Variants in DPH6 observed in about 807,000 individuals in gnomAD.
DPH6 encodes diphthine--ammonia ligase.
DPH6 carries 33 observed loss-of-function variants against 38.2 expected under a neutral mutation model. That is an observed-to-expected ratio of 0.86 (90% confidence interval 0.65 to 1.15). The LOEUF (loss-of-function observed/expected upper bound fraction) is 1.15. DPH6 is among the 50% of genes most tolerant of loss of function. DPH6 has a pLI of 0.00. For missense variants in DPH6, 325 were observed against 320.0 expected (o/e 1.02, Z -0.12); for synonymous variants, 108 against 103.0 (o/e 1.05, Z -0.30).
chr15:35,155,847 C>T, the DPH6 span, among the ~76,000 whole-genome samples: 2 of 152,146 alleles, frequency 1.3e-5, no homozygotes, highest in Non-Finnish European at 2.9e-5. Flanking sequence ...CATTGTATTT[C>T]TTATAAAGTA....
intron 3 of DPH6, among the ~76,000 whole-genome samples, chr15:35,511,366 C>T (rs933567292): frequency 1.3e-5 from 2 of 152,042 alleles, no homozygotes; most frequent in Admixed American, 1.3e-4. Context: ...TCTCTGTCTG[C>T]AATCTTTGTT....
chr15:35,172,279 ATT>A, the DPH6 span, among the ~76,000 whole-genome samples: 1 of 152,234 alleles, frequency 6.6e-6, no homozygotes, highest in African/African-American at 2.4e-5. Flanking sequence ...ATCTCTGGTT[ATT>A]TGACACCACT....
rs1467462080 is a variant in DPH6 at position 35,371,859 on chromosome 15, C to T, written c.*291G>A. The T allele has an allele frequency of 9.4e-7, 1 of 1,060,954 alleles. No individual in the cohort carries two copies. The highest frequency in any genetic ancestry group is 1.1e-6 in the Non-Finnish European group (1 of 877,964). The allele number at this position is 1,060,954 out of a possible 1,614,324, so 65.7% of individuals were successfully genotyped here. On this transcript the variant is annotated 3_prime_UTR_variant, in exon 9 of 9. Transcript: ENST00000256538. ...AACTAGTGTGATAAAAAAAGAAATG[C>T]TACAGAAATGGGGTTTATAGATGAA...
intron 5 of DPH6, among the ~76,000 whole-genome samples, chr15:35,440,235 C>T (rs969411892): frequency 1.7e-4 from 26 of 152,166 alleles, no homozygotes; most frequent in Admixed American, 7.9e-4. Context: ...TGGAGGTTTC[C>T]TTTTTGGGAA....
At position 35,320,911 on chromosome 15, in the gene DPH6, G is replaced by C. The variant is rs78129641; in HGVS notation, n.200+52610C>G. Among the ~76,000 whole-genome samples, 289 of 152,280 alleles carry C rather than the reference G, an allele frequency of 1.9e-3. 9 individuals carry two copies. The East Asian group carries it at 0.04, about 21-fold the overall frequency. ...TTTTCTGAACCCTGACCTTCTCTCT[G>C]AAGGGTCTCCCTAAATTCCATGGGT... On this transcript the variant is annotated intron_variant and non_coding_transcript_variant, in intron 3 of 3. Transcript: ENST00000560386.
intron 3 of DPH6, among the ~76,000 whole-genome samples, chr15:35,277,333 T>C (rs1338217701): frequency 6.6e-6 from 1 of 152,088 alleles, no homozygotes; most frequent in Non-Finnish European, 1.5e-5. Context: ...GAGGAGTCTT[T>C]AGGGTTTTCT....
chr15:35,434,189 G>C (rs1378765687), intron 5 of DPH6, among the ~76,000 whole-genome samples: 1 of 151,984 alleles, frequency 6.6e-6, no homozygotes, highest in Non-Finnish European at 1.5e-5. Flanking sequence ...GGGAGGTAAG[G>C]ATACCTAATA....
rs550982426 is a variant in DPH6 at position 35,440,190 on chromosome 15, G to A, written c.505+10495C>T. On this transcript the variant is annotated intron_variant, in intron 5 of 8. Coordinates refer to ENST00000256538, the MANE Select transcript of DPH6 (RefSeq NM_080650.4). The stretch of plus-strand genomic sequence containing the variant: ...TCTGAGCAATTATCCTGAAAATCCT[G>A]CCAGGTGATGGGAGTAAATAAGGTG... Among the ~76,000 whole-genome samples, 11 of 152,248 alleles carry A rather than the reference G, an allele frequency of 7.2e-5. 1 individual carries two copies. The highest frequency in any genetic ancestry group is 5.8e-4 in the East Asian group (3 of 5,176).
intron 3 of DPH6, among the ~76,000 whole-genome samples, chr15:35,527,588 A>G (rs569192144): frequency 6.6e-6 from 1 of 152,272 alleles, no homozygotes; most frequent in African/African-American, 2.4e-5. Context: ...AGGAAGGAAG[A>G]TATTATATTC....
chr15:35,393,813 A>G (rs1286033671), intron 6 of DPH6, among the ~76,000 whole-genome samples: 2 of 152,192 alleles, frequency 1.3e-5, no homozygotes, highest in African/African-American at 2.4e-5. Flanking sequence ...ATTAACAATT[A>G]ATTGAATGGA....
chr15:35,249,755 A>G (rs1045363860), intron 3 of DPH6, among the ~76,000 whole-genome samples: 5 of 152,278 alleles, frequency 3.3e-5, no homozygotes, highest in African/African-American at 1.2e-4. Flanking sequence ...TTATTACTTA[A>G]GTTTGTGTGA....
chr15:35,489,004 A>G (rs7163653), intron 3 of DPH6, among the ~76,000 whole-genome samples: 2,781 of 152,268 alleles, frequency 0.018, 87 homozygotes, highest in African/African-American at 0.062. Flanking sequence ...TGCTGAACAG[A>G]TAACTCCTTA....
At chr15:35,379,565 C>T (rs1239645626) in intron 7 of DPH6, among the ~76,000 whole-genome samples, 1 of 152,106 alleles carries the variant, frequency 6.6e-6, no homozygotes, top group Non-Finnish European at 1.5e-5. Flanking sequence ...CATTTACATA[C>T]AGTTTTAGAA....
At chr15:35,316,238 C>T (rs1001097802) in intron 3 of DPH6, among the ~76,000 whole-genome samples, 3 of 151,958 alleles carry the variant, frequency 2.0e-5, no homozygotes, top group Admixed American at 1.3e-4. Context: ...GATAGATATT[C>T]CAAGTATACT....
At chr15:35,491,269 C>T (rs556229992) in intron 3 of DPH6, among the ~76,000 whole-genome samples, 3 of 151,854 alleles carry the variant, frequency 2.0e-5, no homozygotes, top group African/African-American at 7.2e-5. Flanking sequence ...AGTTAATGAA[C>T]GCCTACATAA....
chr15:35,148,985 G>A, the DPH6 span, among the ~76,000 whole-genome samples: 1 of 152,054 alleles, frequency 6.6e-6, no homozygotes, highest in East Asian at 1.9e-4. Context: ...GTCTCCACCT[G>A]TGCTGTGGAT....
At chr15:35,294,352 C>G (rs1376529060) in intron 3 of DPH6, among the ~76,000 whole-genome samples, 2 of 152,180 alleles carry the variant, frequency 1.3e-5, no homozygotes, top group East Asian at 3.8e-4. Context: ...TCTCATATCC[C>G]TCTGGCGATT....
the DPH6 span, among the ~76,000 whole-genome samples, chr15:35,160,907 G>A: frequency 1.3e-5 from 2 of 151,806 alleles, no homozygotes; most frequent in South Asian, 4.2e-4. Flanking sequence ...ACCAAACACC[G>A]CATGTTCTCA....
At chr15:35,302,477 T>C (rs76701762) in intron 3 of DPH6, among the ~76,000 whole-genome samples, 3,886 of 152,320 alleles carry the variant, frequency 0.026, 156 homozygotes, top group African/African-American at 0.089. Context: ...GTAATGTTAA[T>C]AGACTAGAAA....
Sources: gnomAD v4.1 joint callset for allele counts (sites outside exome capture counted in the v4.1 genomes callset) on GRCh38, gnomAD v4.1.1 for gene constraint, MANE v1.5 for transcripts, NCBI Gene and HGNC (gene_info 2026-07-23, HGNC 2026-07-21) for gene names.